The following PDGFA variants were observed in gnomAD, a reference collection of about 807,000 sequenced individuals.
PDGFA encodes platelet derived growth factor subunit A.
PDGFA carries 9 observed loss-of-function variants against 25.6 expected under a neutral mutation model. The ratio of observed to expected loss-of-function variants is 0.35; its 90% CI spans 0.21 to 0.61. The LOEUF (loss-of-function observed/expected upper bound fraction) is 0.61. Among genes scored for constraint, PDGFA ranks in the 20% least tolerant of loss-of-function variants. The pLI, the probability that PDGFA is intolerant of heterozygous loss-of-function variation, is 0.75. For synonymous variants in PDGFA, 133 were observed against 111.8 expected (o/e 1.19, Z -1.20); for missense variants, 242 against 272.8 (o/e 0.89, Z 0.79).
intron 4 of PDGFA, among the ~76,000 whole-genome samples, chr7:502,797 CACACACACACACAT>C (rs1159737392): frequency 7.6e-4 from 112 of 147,886 alleles, no homozygotes; most frequent in Non-Finnish European, 5.7e-4. Flanking sequence ...CACACACACA[CACACACACACACAT>C]AATGCACATA....
chr7:511,098 A>T (rs1782810006), intron 3 of PDGFA, 102 bp from the exon 4 acceptor site: 3 of 890,644 alleles, frequency 3.4e-6, no homozygotes, highest in Admixed American at 2.1e-5. Context: ...CAACCAGGGT[A>T]AGCCACAGGC....
At chr7:503,533 G>C (rs137942889) in intron 4 of PDGFA, among the ~76,000 whole-genome samples, 8 of 152,160 alleles carry the variant, frequency 5.3e-5, no homozygotes, top group African/African-American at 1.9e-4. Flanking sequence ...GAAGGAGGGA[G>C]GAGGGGAATG....
chr7:510,320 G>A (rs112190997), intron 4 of PDGFA, among the ~76,000 whole-genome samples: 31,339 of 151,708 alleles, frequency 0.21, 3,569 homozygotes, highest in Non-Finnish European at 0.26. Context: ...GAGCGCAGCC[G>A]TGCACCCCCA....
intron 3 of PDGFA, 129 bp from the exon 4 acceptor site, chr7:511,125 C>T: frequency 2.8e-6 from 2 of 711,238 alleles, no homozygotes; most frequent in South Asian, 1.8e-5. Context: ...TCCTCCCAGG[C>T]AGCAGAGGCT....
At chr7:506,437 A>G (rs1782570094) in intron 4 of PDGFA, among the ~76,000 whole-genome samples, 1 of 151,684 alleles carries the variant, frequency 6.6e-6, no homozygotes, top group Non-Finnish European at 1.5e-5. Context: ...CTCCTGCACC[A>G]GACCCCAGAG....
At chr7:502,662 G>A (rs1782395779) in intron 4 of PDGFA, among the ~76,000 whole-genome samples, 1 of 152,134 alleles carries the variant, frequency 6.6e-6, no homozygotes, top group Non-Finnish European at 1.5e-5. Context: ...ACCACAACAT[G>A]GGGGTCCTGC....
In PDGFA at chr7:517,399, G is replaced by T; in HGVS notation, c.155C>A (p.Ser52Tyr). The T allele has an allele frequency of 7.3e-7, 1 of 1,371,038 alleles. No homozygotes were observed. The allele number at this position is 1,371,038 out of a possible 1,614,324, so 84.9% of individuals were successfully genotyped here. A position where few individuals can be genotyped will look rare whatever the true frequency, so the allele number is the denominator to read the frequency against. The change falls in exon 2 of 6, where the codon TCC becomes TAC. Residue 52 changes from serine to tyrosine, a missense_variant. Physicochemically the swap from Ser to Tyr is moderately radical, Grantham distance 144. Around this residue, in one of 5 missense-constraint regions of PDGFA, gnomAD observed 113 missense variants for 98.3 expected, o/e 1.15. Coordinates refer to ENST00000402802, the Ensembl canonical transcript of PDGFA. This position sits in a 1 kb window ranked among gnomAD's most constrained non-coding sequence, Gnocchi z 7.4. The stretch of plus-strand genomic sequence containing the variant: ...AGGGAAGGGGCGCGATTTACCTACG[G>T]AGTCTATCTCCAGGAGTCGCTGGAG...
chr7:498,177 C>T (rs1782177953), exon 6 of PDGFA: 1 of 228,830 alleles, frequency 4.4e-6, no homozygotes, highest in Non-Finnish European at 8.6e-6. Context: ...GGCAAAAAAG[C>T]ACCTGTGACC....
rs1296126831 is a variant in PDGFA at position 500,032 on chromosome 7, A to G, written c.580+1084T>C. ...TTTCCAGATATATTCAGCCTCCAACAGTCCTTATCTGTAATCTCAGTTAAG... is the reference window on the plus strand; with the variant it reads ...TTTCCAGATATATTCAGCCTCCAACGGTCCTTATCTGTAATCTCAGTTAAG... On this transcript the variant is annotated intron_variant, in intron 5 of 5. Coordinates refer to ENST00000402802, the Ensembl canonical transcript of PDGFA. This position sits in a 1 kb window ranked among gnomAD's most constrained non-coding sequence, Gnocchi z 5.0. Among the ~76,000 whole-genome samples the G allele has an allele frequency of 1.3e-5, 2 of 152,200 alleles. No homozygotes were observed. Among genetic ancestry groups the G allele is most frequent in the African/African-American group, 2.4e-5 (1 of 41,454 alleles).
chr7:505,069 G>T (rs938146617), intron 4 of PDGFA, among the ~76,000 whole-genome samples: 1 of 152,216 alleles, frequency 6.6e-6, no homozygotes, highest in Non-Finnish European at 1.5e-5. Flanking sequence ...ATTCCGGGCC[G>T]TTCCGCCACC....
chr7:514,568 C>T (rs1270307833), intron 2 of PDGFA, among the ~76,000 whole-genome samples: 1 of 152,178 alleles, frequency 6.6e-6, no homozygotes, highest in Non-Finnish European at 1.5e-5. Context: ...GCTCCCAGGA[C>T]AGTTAACCAG....
At chr7:512,314 C>T (rs112357141) in intron 3 of PDGFA, 37 bp downstream of exon 3, 40 of 1,573,884 alleles carry the variant, frequency 2.5e-5, no homozygotes, top group Non-Finnish European at 2.9e-5. Context: ...CACCCTGACC[C>T]GGCCCTGCCC....
intron 4 of PDGFA, among the ~76,000 whole-genome samples, chr7:503,036 G>A (rs1782417194): frequency 2.0e-5 from 3 of 152,230 alleles, no homozygotes; most frequent in South Asian, 2.1e-4. Context: ...GGGACTGCAT[G>A]AGTAGAGTAT....
intron 4 of PDGFA, among the ~76,000 whole-genome samples, chr7:504,192 C>A (rs1782466285): frequency 6.6e-6 from 1 of 152,096 alleles, no homozygotes; most frequent in Non-Finnish European, 1.5e-5. Context: ...AGCCCCAAAA[C>A]CAACCCACCC....
intron 3 of PDGFA, among the ~76,000 whole-genome samples, chr7:511,636 G>C (rs924235313): frequency 3.3e-5 from 5 of 152,152 alleles, no homozygotes; most frequent in Admixed American, 6.5e-5. Context: ...AGCTCAGAGA[G>C]GGGGGTCCAC....
intron 4 of PDGFA, among the ~76,000 whole-genome samples, chr7:505,945 G>A (rs1253068072): frequency 6.6e-6 from 1 of 152,042 alleles, no homozygotes; most frequent in African/African-American, 2.4e-5. Context: ...AGGTCGAGGC[G>A]GGCAGATCAC....
In PDGFA at chr7:514,111, G is replaced by A. The variant is rs536141840; in HGVS notation, c.161-1656C>T. On this transcript the variant is annotated intron_variant, in intron 2 of 5. Coordinates refer to ENST00000402802, the Ensembl canonical transcript of PDGFA. ...TCAATAACACCAGCTCCCATTTTCC[G>A]ATGCCTTGTGATAGCCACGTTTGCA... Among the ~76,000 whole-genome samples the A allele has an allele frequency of 4.3e-4, 65 of 152,276 alleles. No individual in the cohort carries two copies. The South Asian group carries it at 0.011, about 26-fold the overall frequency.
At chr7:516,233 C>G (rs1326282244) in intron 2 of PDGFA, among the ~76,000 whole-genome samples, 1 of 146,190 alleles carries the variant, frequency 6.8e-6, no homozygotes, top group African/African-American at 2.5e-5. Context: ...CGATAAGGAT[C>G]AGCCCAGGGA....
At chr7:508,987 G>A (rs1486492345) in intron 4 of PDGFA, among the ~76,000 whole-genome samples, 2 of 152,240 alleles carry the variant, frequency 1.3e-5, no homozygotes, top group African/African-American at 4.8e-5. Context: ...TGAGGAAAAT[G>A]AGGCCAGAGA....
Sources: gnomAD v4.1 joint callset for allele counts (sites outside exome capture counted in the v4.1 genomes callset) on GRCh38, gnomAD v4.1.1 for gene constraint, gnomAD v4.1.1 regional missense constraint, Gnocchi (gnomAD v3.1) non-coding constraint, MANE v1.5 for transcripts, NCBI Gene and HGNC (gene_info 2026-07-23, HGNC 2026-07-21) for gene names.